Variants in PLEC observed in about 807,000 individuals in gnomAD.
PLEC encodes plectin.
A neutral mutation model predicts 392.8 loss-of-function variants in PLEC; 216 were observed. That is an observed-to-expected ratio of 0.55 (90% CI 0.49 to 0.62). The LOEUF (loss-of-function observed/expected upper bound fraction) is 0.62. Among genes scored for constraint, PLEC ranks in the 20% least tolerant of loss-of-function variants. The pLI, the probability that PLEC is intolerant of heterozygous loss-of-function variation, is 0.00. For synonymous variants in PLEC, 3,621 were observed against 2,980.6 expected, an observed-to-expected ratio of 1.21 and a Z score of -7.00; for missense variants, 6,863 against 6,563.4, an observed-to-expected ratio of 1.05 and a Z score of -1.58.
Position 143,919,952 on chromosome 8 carries a change from G to A in PLEC, c.9869C>T (p.Thr3290Ile). 6.2e-7 allele frequency: 1 copy of A among 1,613,416 alleles called. No individual in the cohort carries two copies. The highest frequency in any genetic ancestry group is 2.2e-5 in the East Asian group (1 of 44,886). ...TVEKVIKILI[T>I]IVEEVETLRQ... ...CAGGGTCTCCACCTCCTCCACGATG[G>A]TAATGAGAATCTTGATGACCTTCTC... Residue 3290 changes from threonine to isoleucine, a missense_variant, in exon 32 of 32, where the codon ACC becomes ATC. Thr to Ile is a moderately conservative substitution (Grantham distance 89, BLOSUM62 -1). Transcript: ENST00000345136.
intron 3 of PLEC, 60 bp downstream of exon 3, chr8:143,938,091 G>T (rs1402125728): frequency 4.8e-6 from 6 of 1,240,620 alleles, no homozygotes; most frequent in Non-Finnish European, 6.9e-6. Flanking sequence ...AAGGAGGGAA[G>T]GCAGGCAGAG....
chr8:143,944,238 T>A (rs1285865726), upstream of PLEC, among the ~76,000 whole-genome samples: 8 of 151,942 alleles, frequency 5.3e-5, no homozygotes, highest in African/African-American at 1.9e-4. Context: ...GCCGCACGCC[T>A]GGCCAAGCCG....
rs1365040141 is a variant in PLEC at position 143,922,945 on chromosome 8, C to T, written c.6984G>A (p.Glu2328=). 2 of 1,608,682 alleles carry T rather than the reference C, an allele frequency of 1.2e-6. No homozygotes were observed. Among genetic ancestry groups the T allele is most frequent in the Non-Finnish European group, 1.7e-6 (2 of 1,178,030 alleles). ...CCTTCTGCTGCTGCAGCAGTTCCGC[C>T]TCAGCCTTGAGTCGCGTGGCCTCCT... ...AVQEATRLKA[E]AELLQQQKEL... Residue 2328 remains glutamate (E), a synonymous_variant, in exon 31 of 32, where the codon GAG becomes GAA. Transcript: ENST00000345136.
chr8:143,973,340 C>G lies in PLEC; in HGVS notation c.70+63G>C, dbSNP rs983409587. The G allele has an allele frequency of 4.6e-6, 7 of 1,530,952 alleles. No homozygotes were observed. The Admixed American group carries it at 5.9e-5, about 13-fold the overall frequency. 94.8% of individuals were successfully genotyped at this position (1,530,952 alleles called of 1,614,324 possible). ...CGATCGGGACCGCCACCGTGGACGA[C>G]AAGGTGCTCGGCGGCTGGGCTGTCA... is the stretch of plus-strand genomic sequence containing the variant. On this transcript the variant is annotated intron_variant, in intron 1 of 31. Coordinates refer to the PLEC transcript ENST00000356346. This position sits in a 1 kb window ranked among gnomAD's most constrained non-coding sequence, Gnocchi z 5.6.
chr8:143,934,938 A>G lies in PLEC; in HGVS notation c.826-9T>C. The stretch of plus-strand genomic sequence containing the variant: ...CAGCGCAGCTGCAGCTCCTGCGGGC[A>G]GGCACGGGCGGCTGTCAGGGGTCGT... On this transcript the variant is annotated splice_polypyrimidine_tract_variant and intron_variant, in intron 8 of 31. Transcript: ENST00000345136. 1 of 1,610,978 alleles carries G rather than the reference A, an allele frequency of 6.2e-7. No homozygotes were observed. Among genetic ancestry groups the G allele is most frequent in the Non-Finnish European group, 8.5e-7 (1 of 1,179,534 alleles).
chr8:143,965,587 C>T (rs1268189789), intron 1 of PLEC, among the ~76,000 whole-genome samples: 2 of 152,218 alleles, frequency 1.3e-5, no homozygotes, highest in Non-Finnish European at 2.9e-5. Context: ...CCTGGTCCCA[C>T]TAGCATCGCC....
chr8:143,973,628 GC>G, upstream of PLEC: 1 of 723,892 alleles, frequency 1.4e-6, no homozygotes, highest in Non-Finnish European at 1.7e-6. The surrounding 1 kb of genome is among the most constrained non-coding windows in gnomAD (Gnocchi z 5.6). Context: ...CGGGGCCGGG[GC>G]CGCCGCGGCC....
chr8:143,949,605 G>A (rs1377967152), intron 1 of PLEC, among the ~76,000 whole-genome samples: 3 of 152,240 alleles, frequency 2.0e-5, no homozygotes, highest in East Asian at 1.9e-4. Context: ...CCTGCCGGAG[G>A]AGCCTCCTGC....
chr8:143,943,995 C>A (rs1384396903), upstream of PLEC: 1 of 1,521,682 alleles, frequency 6.6e-7, no homozygotes, highest in East Asian at 2.5e-5. Context: ...GGGGGAGCGC[C>A]GGGACCGGAG....
At chr8:143,926,950 A>G in intron 29 of PLEC, 27 bp downstream of exon 29, 1 of 1,607,480 alleles carries the variant, frequency 6.2e-7, no homozygotes, top group Non-Finnish European at 8.5e-7. Flanking sequence ...CCAGCCCCTC[A>G]CCCAGTTAGG....
chr8:143,916,192 C>T lies in PLEC; in HGVS notation c.13629G>A (p.Glu4543=), dbSNP rs1208249954. The T allele has an allele frequency of 5.2e-6, 8 of 1,542,190 alleles. No homozygotes were observed. The highest frequency in any genetic ancestry group is 7.0e-6 in the Non-Finnish European group (8 of 1,143,916). The change falls in exon 32 of 32, where the codon GAG becomes GAA. Residue 4543 remains glutamate (E), a synonymous_variant. Transcript: ENST00000345136. ...SGSSASLGGP[E]SAVA ...GCAGGCAGCCTCAGGCCACGGCAGA[C>T]TCAGGGCCCCCCAGGGAGGCCGAGG... is the stretch of plus-strand genomic sequence containing the variant.
chr8:143,923,951 C>A lies in PLEC; in HGVS notation c.5978G>T (p.Ser1993Ile), dbSNP rs180693480. 6.3e-7 allele frequency: 1 copy of A among 1,593,322 alleles called. No individual in the cohort carries two copies. Among genetic ancestry groups the A allele is most frequent in the East Asian group, 2.2e-5 (1 of 44,632 alleles). Residue 1993 changes from serine (S) to isoleucine (I), a missense_variant, in exon 31 of 32, where the codon AGC becomes ATC. Ser to Ile is a moderately radical substitution (Grantham distance 142). Coordinates refer to ENST00000345136, the MANE Select transcript of PLEC (RefSeq NM_201384.3). ...RREAEERVQK[S>I]LAAEEEAARQ... is the part of the protein sequence containing the mutation. ...TGCGGCCTCCTCCTCGGCCGCCAGG[C>A]TCTTCTGCACGCGCTCCTCAGCCTC...
rs201736785 is a variant in PLEC, at chr8:143,919,993, C to T, written c.9828G>A (p.Thr3276=). Residue 3276 remains threonine (T), a synonymous_variant, in exon 32 of 32, where the codon ACG becomes ACA. Transcript: ENST00000345136. ...TGACCTTCTCCACGGTGACCTTGCCCGTGCGGAACTGACGCAACAGCTCCT... is the reference window on the plus strand; with the variant it reads ...TGACCTTCTCCACGGTGACCTTGCCTGTGCGGAACTGACGCAACAGCTCCT... ...QRQELLRQFR[T]GKVTVEKVIK... 1.4e-4 allele frequency: 219 copies of T among 1,613,290 alleles called. 1 individual carries two copies. The East Asian group carries it at 2.4e-3, about 17-fold the overall frequency.
At chr8:143,949,797 C>T (rs368906688) in intron 1 of PLEC, among the ~76,000 whole-genome samples, 2 of 152,218 alleles carry the variant, frequency 1.3e-5, no homozygotes, top group Non-Finnish European at 2.9e-5. Flanking sequence ...CACACCCAAC[C>T]GGCGCCAGCA....
rs1554710803 is a variant in PLEC at position 143,929,400 on chromosome 8, G to T, written c.3081+14C>A. 2 of 1,561,352 alleles carry T rather than the reference G, an allele frequency of 1.3e-6. No homozygotes were observed. Among genetic ancestry groups the T allele is most frequent in the Non-Finnish European group, 1.7e-6 (2 of 1,156,182 alleles). On this transcript the variant is annotated intron_variant, in intron 24 of 31. Coordinates refer to ENST00000345136, the MANE Select transcript of PLEC (RefSeq NM_201384.3). ...GGAGAGGGATGGGACTGGATGGGGG[G>T]GGACGGCCCCTGCCTGCTGCTCGGC...
rs782391224 is a variant in PLEC, at chr8:143,918,310, C to T, written c.11511G>A (p.Leu3837=). Residue 3837 remains leucine (L), a synonymous_variant, in exon 32 of 32, where the codon CTG becomes CTA. Transcript: ENST00000345136. The stretch of plus-strand genomic sequence containing the variant: ...AGCTGCGCACCTCGCTGGGCTCTGA[C>T]AGCTGGTCGTGCGTGTCCTTGTTGA... The part of the protein sequence containing the change: ...GYLNKDTHDQ[L]SEPSEVRSYV... The T allele has an allele frequency of 3.8e-6, 6 of 1,590,994 alleles. No homozygotes were observed. Among genetic ancestry groups the T allele is most frequent in the African/African-American group, 2.7e-5 (2 of 74,946 alleles).
In PLEC at chr8:143,918,058, G is replaced by T; in HGVS notation, c.11763C>A (p.Val3921=). 1 of 1,603,286 alleles carries T rather than the reference G, an allele frequency of 6.2e-7. No individual in the cohort carries two copies. Among genetic ancestry groups the T allele is most frequent in the Non-Finnish European group, 8.5e-7 (1 of 1,176,608 alleles). ...LREGLTSIEE[V]TKNLQKFLEG... ...CCAGGAACTTCTGCAAGTTCTTGGT[G>T]ACCTCCTCGATGGAGGTCAGGCCCT... is the stretch of plus-strand genomic sequence containing the variant. Residue 3921 remains valine, a synonymous_variant, in exon 32 of 32, where the codon GTC becomes GTA. Transcript: ENST00000345136.
In PLEC at chr8:143,918,710, A is replaced by G; in HGVS notation, c.11111T>C (p.Leu3704Pro). ...TTTCTTGAGAGCCTGGTAGATGCTC[A>G]GTGTCTGCCTGGAACCGGGCAGGTA... ...GVYLPGSRQT[L>P]SIYQALKKGL... The change falls in exon 32 of 32, where the codon CTG (leucine) becomes CCG (proline). Residue 3704 changes from leucine to proline, a missense_variant. Leu to Pro is a moderately conservative substitution (Grantham distance 98). Coordinates refer to ENST00000345136, the MANE Select transcript of PLEC (RefSeq NM_201384.3). 1.2e-6 allele frequency: 2 copies of G among 1,612,932 alleles called. No individual in the cohort carries two copies. The highest frequency in any genetic ancestry group is 1.3e-5 in the African/African-American group (1 of 75,060).
Position 143,923,603 on chromosome 8 carries a change from C to A in PLEC, c.6326G>T (p.Arg2109Leu), listed in dbSNP as rs373775314. 6.3e-7 allele frequency: 1 copy of A among 1,593,468 alleles called. No individual in the cohort carries two copies. The highest frequency in any genetic ancestry group is 2.2e-5 in the East Asian group (1 of 44,576). Reference protein sequence around the residue: ...QAEREAAQSRRQVEEAERLKQ... With the variant: ...QAEREAAQSRLQVEEAERLKQ... ...CAGCCGCTCGGCCTCTTCCACCTGC[C>A]GCCGGGACTGCGCCGCCTCACGCTC... is the stretch of plus-strand genomic sequence containing the variant. Residue 2109 changes from arginine (R) to leucine (L), a missense_variant, in exon 31 of 32, where the codon CGG becomes CTG. Physicochemically the swap from Arg to Leu is moderately radical, Grantham distance 102 (BLOSUM62 -2). Coordinates refer to ENST00000345136, the MANE Select transcript of PLEC (RefSeq NM_201384.3).
Sources: gnomAD v4.1 joint callset for allele counts (sites outside exome capture counted in the v4.1 genomes callset) on GRCh38, gnomAD v4.1.1 for gene constraint, Gnocchi (gnomAD v3.1) non-coding constraint, MANE v1.5 for transcripts, NCBI Gene and HGNC (gene_info 2026-07-23, HGNC 2026-07-21) for gene names.